The following DCDC2C variants were observed in gnomAD, a reference collection of about 807,000 sequenced individuals.
DCDC2C encodes doublecortin domain-containing protein 2C.
DCDC2C carries 44 observed loss-of-function variants against 45.0 expected under a neutral mutation model. The ratio of observed to expected loss-of-function variants is 0.98; its 90% confidence interval spans 0.77 to 1.26. The LOEUF is 1.26. Among genes scored for constraint, DCDC2C ranks in the 50% most tolerant of loss-of-function variants. DCDC2C has a pLI of 0.00. For synonymous variants in DCDC2C, 187 were observed against 178.8 expected (o/e 1.05, Z -0.37); for missense variants, 447 against 468.9 (o/e 0.95, Z 0.43).
chr2:3,725,865 G>GAGGGAGATGAGCAGAGA (rs1404234187), intron 2 of DCDC2C: 4 of 161,898 alleles, frequency 2.5e-5, no homozygotes, highest in African/African-American at 2.5e-5. Context: ...GAGGCTGCCA[G>GAGGGAGATGAGCAGAGA]GTGGATCCTG....
At chr2:3,767,009 G>A (rs78770649) in intron 6 of DCDC2C, among the ~76,000 whole-genome samples, 15,488 of 152,240 alleles carry the variant, frequency 0.1, 1,097 homozygotes, top group East Asian at 0.31. Context: ...TGCAGTGGAC[G>A]GCGATGCCAA....
At chr2:3,820,873 T>A (rs1671672389) in intron 10 of DCDC2C, among the ~76,000 whole-genome samples, 1 of 152,052 alleles carries the variant, frequency 6.6e-6, no homozygotes, top group Non-Finnish European at 1.5e-5. Flanking sequence ...TGTAGGTAGA[T>A]CTCCTCATGG....
intron 2 of DCDC2C, among the ~76,000 whole-genome samples, chr2:3,719,235 G>A (rs891696746): frequency 2.1e-4 from 32 of 152,016 alleles, no homozygotes; most frequent in African/African-American, 6.5e-4. Context: ...ACAGGTGCCC[G>A]CCACCATGCC....
intron 2 of DCDC2C, among the ~76,000 whole-genome samples, chr2:3,723,718 G>C (rs1475001957): frequency 6.6e-6 from 1 of 152,202 alleles, no homozygotes; most frequent in Non-Finnish European, 1.5e-5. Flanking sequence ...GCAGTGAGGA[G>C]TGAAGGGTCC....
At chr2:3,706,484 T>C (rs1035610836) in intron 1 of DCDC2C, among the ~76,000 whole-genome samples, 1 of 152,248 alleles carries the variant, frequency 6.6e-6, no homozygotes, top group Non-Finnish European at 1.5e-5. Flanking sequence ...ATATTTCTTT[T>C]GTGGAGAAAG....
intron 8 of DCDC2C, among the ~76,000 whole-genome samples, chr2:3,772,697 TTTAA>T (rs1179423844): frequency 2.0e-5 from 3 of 148,530 alleles, no homozygotes; most frequent in Admixed American, 6.8e-5. Flanking sequence ...TTGTTCAGCC[TTTAA>T]TTGTTTTCTT....
chr2:3,757,392 T>C (rs541368578), intron 6 of DCDC2C, among the ~76,000 whole-genome samples: 1 of 152,338 alleles, frequency 6.6e-6, no homozygotes, highest in South Asian at 2.1e-4. Context: ...CACATTCTAA[T>C]AACATCAGCC....
intron 10 of DCDC2C, among the ~76,000 whole-genome samples, chr2:3,843,396 C>T (rs1452238396): frequency 1.3e-5 from 2 of 152,208 alleles, no homozygotes; most frequent in Admixed American, 6.5e-5. Flanking sequence ...GTGCCGAGTT[C>T]TCCACGTCAG....
intron 10 of DCDC2C, among the ~76,000 whole-genome samples, chr2:3,801,326 C>T (rs1429367039): frequency 6.6e-6 from 1 of 152,188 alleles, no homozygotes; most frequent in African/African-American, 2.4e-5. Context: ...AGGCCGTGGC[C>T]TTCCTCATTC....
intron 6 of DCDC2C, among the ~76,000 whole-genome samples, chr2:3,755,847 GATGCAT>G (rs1252620534): frequency 8.1e-6 from 1 of 123,684 alleles, no homozygotes; most frequent in Non-Finnish European, 1.9e-5. Context: ...TGTATGTATG[GATGCAT>G]ATGCATATGG....
chr2:3,724,960 C>T (rs1397036817), intron 2 of DCDC2C, among the ~76,000 whole-genome samples: 2 of 152,110 alleles, frequency 1.3e-5, no homozygotes. Context: ...GCTGGAACCT[C>T]TTCTGTGCTA....
intron 1 of DCDC2C, among the ~76,000 whole-genome samples, chr2:3,707,581 C>T (rs1668098609): frequency 6.6e-6 from 1 of 152,202 alleles, no homozygotes; most frequent in African/African-American, 2.4e-5. Context: ...ATAATATGAA[C>T]TTTTGGTCTC....
At chr2:3,836,540 G>A (rs1436705792) in intron 10 of DCDC2C, among the ~76,000 whole-genome samples, 1 of 152,206 alleles carries the variant, frequency 6.6e-6, no homozygotes, top group Non-Finnish European at 1.5e-5. Flanking sequence ...ATTTTGTAAG[G>A]TGTTAGCATC....
chr2:3,845,961 C>G (rs1672317526), intron 10 of DCDC2C, among the ~76,000 whole-genome samples: 1 of 152,154 alleles, frequency 6.6e-6, no homozygotes, highest in Non-Finnish European at 1.5e-5. Flanking sequence ...GAGCTGGAAG[C>G]AAATTTAGAG....
chr2:3,841,764 C>T (rs1039995163), intron 10 of DCDC2C, among the ~76,000 whole-genome samples: 4 of 152,266 alleles, frequency 2.6e-5, no homozygotes, highest in East Asian at 1.9e-4. Flanking sequence ...AGCAGAGAGT[C>T]GCTTCGCCCT....
intron 4 of DCDC2C, among the ~76,000 whole-genome samples, chr2:3,752,023 A>G (rs916875957): frequency 3.9e-5 from 6 of 151,972 alleles, no homozygotes; most frequent in South Asian, 2.1e-4. Context: ...TTTTTACAGC[A>G]CCGTACATGA....
At chr2:3,729,753 G>A (rs943026783) in intron 3 of DCDC2C, among the ~76,000 whole-genome samples, 1 of 152,202 alleles carries the variant, frequency 6.6e-6, no homozygotes, top group Non-Finnish European at 1.5e-5. Context: ...GAGGTCAGGG[G>A]CCTATCTCAG....
At chr2:3,770,169 T>C (rs1197064765) in intron 8 of DCDC2C, among the ~76,000 whole-genome samples, 2 of 152,352 alleles carry the variant, frequency 1.3e-5, no homozygotes, top group South Asian at 2.1e-4. Context: ...TTCCAATTCT[T>C]AGTTTTTGAG....
intron 10 of DCDC2C, among the ~76,000 whole-genome samples, chr2:3,803,519 A>C (rs921820509): frequency 6.6e-6 from 1 of 152,234 alleles, no homozygotes; most frequent in Non-Finnish European, 1.5e-5. Flanking sequence ...ATGCTATTTC[A>C]GTCCCTTTTC....
Sources: gnomAD v4.1 joint callset for allele counts (sites outside exome capture counted in the v4.1 genomes callset) on GRCh38, gnomAD v4.1.1 for gene constraint, MANE v1.5 for transcripts, NCBI Gene and HGNC (gene_info 2026-07-23, HGNC 2026-07-21) for gene names.